Variants in ASIC2 observed in about 807,000 individuals in gnomAD.
ASIC2 encodes acid-sensing ion channel 2.
In ASIC2, 25 loss-of-function variants were observed where a neutral mutation model predicts 57.3. That is an observed-to-expected ratio of 0.44 (90% CI 0.32 to 0.61). ASIC2 has a LOEUF of 0.61. Among genes scored for constraint, ASIC2 ranks in the 20% least tolerant of loss-of-function variants. The pLI is 0.06. For missense variants in ASIC2, 641 were observed against 738.1 expected, an observed-to-expected ratio of 0.87 and a Z score of 1.52; for synonymous variants, 319 against 307.5, an observed-to-expected ratio of 1.04 and a Z score of -0.39.
chr17:33,401,442 C>T (rs532008029), intron 1 of ASIC2, among the ~76,000 whole-genome samples: 28 of 152,262 alleles, frequency 1.8e-4, no homozygotes, highest in African/African-American at 6.7e-4. Context: ...ACTCTGCCAC[C>T]TGCTGGCTCC....
intron 1 of ASIC2, among the ~76,000 whole-genome samples, chr17:33,442,038 C>T (rs1002781556): frequency 2.0e-5 from 3 of 152,094 alleles, no homozygotes; most frequent in African/African-American, 7.2e-5. Context: ...CCCATACTTC[C>T]CCCCCAAATT....
rs189918076 is a variant in ASIC2 at position 33,910,664 on chromosome 17, A to G, written c.555+245314T>C. On this transcript the variant is annotated intron_variant, in intron 1 of 9. Transcript: ENST00000359872. ...CTGGTGCATTCATCACTGCCTGTCT[A>G]GTGACTAGCACATGGCCTGACACAG... Among the ~76,000 whole-genome samples, 260 of 152,322 alleles carry G rather than the reference A, an allele frequency of 1.7e-3. 3 individuals carry two copies. Among genetic ancestry groups the G allele is most frequent in the African/African-American group, 6.0e-3 (250 of 41,558 alleles).
chr17:33,332,628 C>G (rs866425713), intron 1 of ASIC2, among the ~76,000 whole-genome samples: 1 of 152,128 alleles, frequency 6.6e-6, no homozygotes. Context: ...TGGTGGCTCA[C>G]GCTTGTAATC....
At chr17:33,675,824 G>A (rs947767151) in intron 1 of ASIC2, among the ~76,000 whole-genome samples, 1 of 152,136 alleles carries the variant, frequency 6.6e-6, no homozygotes, top group African/African-American at 2.4e-5. Context: ...CACCCACCTC[G>A]GCCTCCCAAA....
chr17:33,484,996 G>A (rs1913530018), intron 1 of ASIC2, among the ~76,000 whole-genome samples: 1 of 152,226 alleles, frequency 6.6e-6, no homozygotes, highest in Non-Finnish European at 1.5e-5. Flanking sequence ...CTGTAACACT[G>A]CTGCTTCAAG....
chr17:33,362,900 T>C (rs988331296), intron 1 of ASIC2, among the ~76,000 whole-genome samples: 13 of 152,234 alleles, frequency 8.5e-5, no homozygotes, highest in Non-Finnish European at 1.5e-4. Context: ...GGGTGACATA[T>C]CAGCTTTGGA....
At chr17:33,389,216 C>T (rs547859492) in intron 1 of ASIC2, among the ~76,000 whole-genome samples, 1 of 152,264 alleles carries the variant, frequency 6.6e-6, no homozygotes, top group Admixed American at 6.5e-5. Flanking sequence ...CCGACTCAGC[C>T]TCTCAAAGTG....
chr17:33,827,424 C>T (rs1567727025), intron 1 of ASIC2, among the ~76,000 whole-genome samples: 1 of 141,676 alleles, frequency 7.1e-6, no homozygotes, highest in African/African-American at 2.6e-5. Context: ...CTCTGCCTCC[C>T]AGGTTCACGC....
intron 1 of ASIC2, among the ~76,000 whole-genome samples, chr17:33,194,052 G>T (rs1317321673): frequency 6.6e-6 from 1 of 152,152 alleles, no homozygotes; most frequent in Non-Finnish European, 1.5e-5. Flanking sequence ...TATTCAAGAT[G>T]CACTGTAACT....
intron 1 of ASIC2, among the ~76,000 whole-genome samples, chr17:34,030,462 A>G (rs912329419): frequency 3.3e-5 from 5 of 152,172 alleles, no homozygotes; most frequent in African/African-American, 7.2e-5. Flanking sequence ...TGCATTTCCA[A>G]CTGAGGTACC....
chr17:33,599,111 A>C (rs1223984538), intron 1 of ASIC2, among the ~76,000 whole-genome samples: 1 of 152,242 alleles, frequency 6.6e-6, no homozygotes. Flanking sequence ...TGCACTGTTT[A>C]CTTCACAGGG....
intron 1 of ASIC2, among the ~76,000 whole-genome samples, chr17:33,729,217 G>A (rs1175910253): frequency 6.6e-6 from 1 of 152,170 alleles, no homozygotes; most frequent in Admixed American, 6.5e-5. Context: ...AGAAGGAGAA[G>A]GGGGAGCAGA....
intron 3 of ASIC2, among the ~76,000 whole-genome samples, chr17:33,035,804 AG>A (rs1232659203): frequency 2.0e-5 from 3 of 152,232 alleles, no homozygotes; most frequent in Non-Finnish European, 4.4e-5. Flanking sequence ...TACAGTTCAA[AG>A]TTCAACCTAG....
chr17:33,377,336 C>T (rs1194229449), intron 1 of ASIC2, among the ~76,000 whole-genome samples: 2 of 152,210 alleles, frequency 1.3e-5, no homozygotes, highest in Non-Finnish European at 2.9e-5. Context: ...CAGGCGTGAG[C>T]CACTGTGCCC....
intron 1 of ASIC2, among the ~76,000 whole-genome samples, chr17:33,762,945 GT>G (rs1246472675): frequency 3.3e-5 from 5 of 152,174 alleles, no homozygotes; most frequent in African/African-American, 1.2e-4. Flanking sequence ...TTGTTGCTCT[GT>G]TTTATTTAAG....
chr17:33,551,688 A>G (rs1296333731), intron 1 of ASIC2, among the ~76,000 whole-genome samples: 1 of 152,172 alleles, frequency 6.6e-6, no homozygotes, highest in African/African-American at 2.4e-5. Context: ...TGCTTCCTTC[A>G]AAACTCAGTA....
chr17:34,050,701 C>T (rs1908525327), intron 1 of ASIC2, among the ~76,000 whole-genome samples: 1 of 152,162 alleles, frequency 6.6e-6, no homozygotes, highest in Non-Finnish European at 1.5e-5. Flanking sequence ...CCTCAAGCAG[C>T]TTATAGACCA....
chr17:33,827,965 T>C (rs1482526745), intron 1 of ASIC2: 1 of 152,154 alleles, frequency 6.6e-6, no homozygotes, highest in Non-Finnish European at 1.5e-5. Context: ...ACGAGTGAGA[T>C]CATGCAGTAT....
chr17:34,081,080 G>C (rs1358452847), intron 1 of ASIC2: 1 of 152,178 alleles, frequency 6.6e-6, no homozygotes, highest in Non-Finnish European at 1.5e-5. Flanking sequence ...CCCATGAAGA[G>C]ATGCATACTT....
Sources: gnomAD v4.1 joint callset for allele counts (sites outside exome capture counted in the v4.1 genomes callset) on GRCh38, gnomAD v4.1.1 for gene constraint, MANE v1.5 for transcripts, NCBI Gene and HGNC (gene_info 2026-07-23, HGNC 2026-07-21) for gene names.